MYCBPAP: variants seen among roughly 807,000 people sequenced by gnomAD.
MYCBPAP encodes the protein MYCBP associated protein.
MYCBPAP carries 60 observed loss-of-function variants against 106.1 expected under a neutral mutation model. The observed-to-expected ratio is 0.57, with a 90% CI of 0.46 to 0.70. MYCBPAP has a LOEUF of 0.70. Among genes scored for constraint, MYCBPAP ranks in the 30% least tolerant of loss-of-function variants. The pLI is 0.00. For synonymous variants in MYCBPAP, 407 were observed against 440.6 expected (o/e 0.92, Z 0.95); for missense variants, 1,064 against 1,169.3 (o/e 0.91, Z 1.31).
At chr17:50,512,792 C>A (rs1324916445) in intron 1 of MYCBPAP, among the ~76,000 whole-genome samples, 1 of 152,132 alleles carries the variant, frequency 6.6e-6, no homozygotes, top group Non-Finnish European at 1.5e-5. Context: ...ACATATATAT[C>A]CCTGGGCGCA....
chr17:50,522,961 A>G lies in MYCBPAP; in HGVS notation c.1280A>G (p.His427Arg), dbSNP rs1196488970. ...QDKRQVGIAA[H>R]LTFETLEGEK... ...CAGAGGCAGGTTGGGATTGCTGCTC[A>G]CTTGACCTTTGAAACCCTAGAAGGC... Residue 427 changes from histidine (H) to arginine (R), a missense_variant, in exon 11 of 19, where the codon CAC (histidine) becomes CGC (arginine). Transcript: ENST00000323776. The G allele has an allele frequency of 6.2e-7, 1 of 1,612,644 alleles. No homozygotes were observed. Among genetic ancestry groups the G allele is most frequent in the Non-Finnish European group, 8.5e-7 (1 of 1,178,870 alleles).
intron 18 of MYCBPAP, 186 bp downstream of exon 18, chr17:50,529,374 G>A (rs4793660): frequency 0.71 from 416,485 of 588,548 alleles, 148,754 homozygotes; most frequent in East Asian, 0.9. Flanking sequence ...TGATGAGTAC[G>A]ACGGGAGAGA....
chr17:50,508,463 C>T lies in MYCBPAP; in HGVS notation c.-212C>T, dbSNP rs1374270320. 2.1e-6 allele frequency: 3 copies of T among 1,405,418 alleles called. No homozygotes were observed. Among genetic ancestry groups the T allele is most frequent in the Middle Eastern group, 2.5e-4 (1 of 4,036 alleles). 87.1% of individuals were successfully genotyped at this position (1,405,418 alleles called of 1,614,324 possible). ...CAGGGCTTTCTAGGGGTCCGTCGCT[C>T]TTGAAGCCGCCGGCGGCGGGCGCGT... On this transcript the variant is annotated 5_prime_UTR_variant, in exon 1 of 19. Transcript: ENST00000323776.
At chr17:50,508,395 C>T, upstream of MYCBPAP, 1 of 647,414 alleles carries the variant, frequency 1.5e-6, no homozygotes, top group Non-Finnish European at 2.4e-6. Context: ...GGTGACGTCA[C>T]GGCGCTCGTC....
In MYCBPAP at chr17:50,528,884, A is replaced by AT. The variant is rs762962815; in HGVS notation, c.2553+46dup. 2.7e-6 allele frequency: 4 copies of AT among 1,485,850 alleles called. No homozygotes were observed. The East Asian group carries it at 9.4e-5, about 35-fold the overall frequency. The allele number at this position is 1,485,850 out of a possible 1,614,324, so 92.0% of individuals were successfully genotyped here. A position where few individuals can be genotyped will look rare whatever the true frequency, so the allele number is the denominator to read the frequency against. ...TGGGCCAGGTGGGGCTGGGGAGGGG[A>AT]TTGGAGGGGCTGCGGAGGTGGGGGC... On this transcript the variant is annotated intron_variant, in intron 17 of 18. Transcript: ENST00000323776.
At chr17:50,508,393 C>T, upstream of MYCBPAP, 1 of 643,132 alleles carries the variant, frequency 1.6e-6, no homozygotes, top group Non-Finnish European at 2.4e-6. Flanking sequence ...CTGGTGACGT[C>T]ACGGCGCTCG....
At chr17:50,529,568 TA>T (rs1462421015) in intron 18 of MYCBPAP, 5 of 386,738 alleles carry the variant, frequency 1.3e-5, no homozygotes, top group Non-Finnish European at 2.6e-5. Context: ...GAGCAGGTCA[TA>T]GGGGTGGGGG....
intron 10 of MYCBPAP, 50 bp from the exon 11 acceptor site, chr17:50,522,889 T>C (rs1357606200): frequency 6.3e-7 from 1 of 1,575,558 alleles, no homozygotes; most frequent in Non-Finnish European, 8.7e-7. Flanking sequence ...AGTTGTTCAC[T>C]CTAGGCCAGG....
Position 50,529,001 on chromosome 17 carries a change from T to A in MYCBPAP, c.2554-17T>A. The stretch of plus-strand genomic sequence containing the variant: ...CTGGAGCTCCTGAAGGCTATGTGTG[T>A]CTCCCTCCCCCAGCAGGACCGTCCC... On this transcript the variant is annotated splice_polypyrimidine_tract_variant and intron_variant, in intron 17 of 18. Transcript: ENST00000323776. 1 of 1,610,754 alleles carries A rather than the reference T, an allele frequency of 6.2e-7. No homozygotes were observed. The highest frequency in any genetic ancestry group is 1.1e-5 in the South Asian group (1 of 90,602).
At chr17:50,510,499 G>GTAGTGTGTATATA (rs2033799444) in intron 1 of MYCBPAP, 1 of 76,414 alleles carries the variant, frequency 1.3e-5, no homozygotes, top group African/African-American at 4.6e-5. Context: ...GTGTGTGTGT[G>GTAGTGTGTATATA]TATATATATA....
At position 50,525,995 on chromosome 17, in the gene MYCBPAP, A is replaced by G. The variant is rs147669445; in HGVS notation, c.1897A>G (p.Ile633Val). The change falls in exon 14 of 19, where the codon ATA becomes GTA. Residue 633 changes from isoleucine to valine, a missense_variant. By Grantham distance (29) the Ile-to-Val change is conservative (BLOSUM62 3). Transcript: ENST00000323776. Reference protein sequence around the residue: ...RPGDKEHVSPIATEKASVNAE... With the variant: ...RPGDKEHVSPVATEKASVNAE... ...AGGGGACAAGGAGCACGTCAGCCCC[A>G]TAGCCACAGAGAAGGCCTCTGTGAA... is the stretch of plus-strand genomic sequence containing the variant. 3.8e-5 allele frequency: 61 copies of G among 1,613,900 alleles called. No homozygotes were observed. The African/African-American group carries it at 7.1e-4, about 19-fold the overall frequency.
rs773664477 is a variant in MYCBPAP at position 50,517,306 on chromosome 17, G to A, written c.218G>A (p.Arg73His). 215 of 1,613,974 alleles carry A rather than the reference G, an allele frequency of 1.3e-4. 2 individuals carry two copies. Among genetic ancestry groups the A allele is most frequent in the South Asian group, 3.4e-4 (31 of 91,070 alleles). Residue 73 changes from arginine to histidine, a missense_variant, in exon 3 of 19, where the codon CGC becomes CAC. Transcript: ENST00000323776. ...ATTTCTTTTTAGCAACACATTCCTCGCCTTACTGAAAAGGAAGATAAACGT... is the reference window on the plus strand; with the variant it reads ...ATTTCTTTTTAGCAACACATTCCTCACCTTACTGAAAAGGAAGATAAACGT... ...KEDLKEQHIP[R>H]LTEKEDKRVI...
chr17:50,517,831 G>A, intron 4 of MYCBPAP, 133 bp downstream of exon 4: 1 of 716,234 alleles, frequency 1.4e-6, no homozygotes, highest in Non-Finnish European at 2.4e-6. Flanking sequence ...GTTGATAAGG[G>A]ACCCTCTCCC....
At chr17:50,524,350 C>T (rs1012067636) in intron 12 of MYCBPAP, among the ~76,000 whole-genome samples, 2 of 152,060 alleles carry the variant, frequency 1.3e-5, no homozygotes, top group African/African-American at 4.8e-5. Context: ...CATTGTGGCC[C>T]CCAATCACAA....
chr17:50,509,076 TG>T, intron 1 of MYCBPAP: 1 of 702,758 alleles, frequency 1.4e-6, no homozygotes, highest in Non-Finnish European at 2.6e-6. Context: ...CCGGACTGGA[TG>T]AAGTGCAGAA....
chr17:50,515,167 A>G (rs569004217), intron 1 of MYCBPAP, among the ~76,000 whole-genome samples: 1 of 151,982 alleles, frequency 6.6e-6, no homozygotes, highest in Admixed American at 6.5e-5. Flanking sequence ...CAGCTTCTTC[A>G]GCTCTATTTA....
At chr17:50,520,930 T>G (rs9913197) in intron 7 of MYCBPAP, 180 bp from the exon 8 acceptor site, 94,631 of 580,118 alleles carry the variant, frequency 0.16, 10,232 homozygotes, top group African/African-American at 0.43. Context: ...AGGAGTCTTG[T>G]GTAGGGCTGC....
Position 50,517,677 on chromosome 17 carries a change from A to C in MYCBPAP, c.447A>C (p.Ala149=), listed in dbSNP as rs1261954693. 1 of 1,614,002 alleles carries C rather than the reference A, an allele frequency of 6.2e-7. No individual in the cohort carries two copies. Among genetic ancestry groups the C allele is most frequent in the African/African-American group, 1.3e-5 (1 of 74,908 alleles). ...LGSLQDFKRI[A]LARGNTQLAE... is the part of the protein sequence containing the mutation. ...GTCTCCAGGATTTTAAGAGAATTGC[A>C]CTTGCTCGAGGGAACACCCAGGTTT... Residue 149 remains alanine, a synonymous_variant, in exon 4 of 19, where the codon GCA becomes GCC. Coordinates refer to ENST00000323776, the MANE Select transcript of MYCBPAP (RefSeq NM_032133.6).
At position 50,521,995 on chromosome 17, in the gene MYCBPAP, G is replaced by C; in HGVS notation, c.1171G>C (p.Asp391His). 1 of 1,613,792 alleles carries C rather than the reference G, an allele frequency of 6.2e-7. No individual in the cohort carries two copies. Among genetic ancestry groups the C allele is most frequent in the Non-Finnish European group, 8.5e-7 (1 of 1,179,766 alleles). The change falls in exon 10 of 19, where the codon GAT (aspartate) becomes CAT (histidine). Residue 391 changes from aspartate to histidine, a missense_variant. Physicochemically the swap from Asp to His is moderately conservative, Grantham distance 81. Transcript: ENST00000323776. Reference protein sequence around the residue: ...AYLGTLASSSDVSMPILGPSL... With the variant: ...AYLGTLASSSHVSMPILGPSL... Reference sequence around the variant, plus strand: ...CAGAGGCACATTGGCCAGTTCCTCTGATGTCTCCATGCCTATTCTCGGCCC... The same window carrying C: ...CAGAGGCACATTGGCCAGTTCCTCTCATGTCTCCATGCCTATTCTCGGCCC...
Sources: gnomAD v4.1 joint callset for allele counts (sites outside exome capture counted in the v4.1 genomes callset) on GRCh38, gnomAD v4.1.1 for gene constraint, MANE v1.5 for transcripts, NCBI Gene and HGNC (gene_info 2026-07-23, HGNC 2026-07-21) for gene names.